Variants in DDX17 observed in about 807,000 individuals in gnomAD.
DDX17 encodes DEAD-box helicase 17.
DDX17 carries 10 observed loss-of-function variants against 80.8 expected under a neutral mutation model. That is an observed-to-expected ratio of 0.12 (90% CI 0.08 to 0.21). DDX17 has a LOEUF of 0.21. Ranked by LOEUF, DDX17 falls within the 10% of genes least tolerant of loss-of-function variation. The probability of loss-of-function intolerance (pLI) is 1.00; values close to 1 mark genes in which losing one functional copy is unlikely to be tolerated. For missense variants in DDX17, 586 were observed against 957.4 expected (o/e 0.61, Z 5.12); for synonymous variants, 339 against 336.2 (o/e 1.01, Z -0.09).
In DDX17 at chr22:38,506,056, G is replaced by A; in HGVS notation, c.182C>T (p.Ala61Val). 2 of 1,585,284 alleles carry A rather than the reference G, an allele frequency of 1.3e-6. No homozygotes were observed. The highest frequency in any genetic ancestry group is 4.6e-5 in the East Asian group (2 of 43,526). The change falls in exon 1 of 13, where the codon GCC (alanine) becomes GTC (valine). Residue 61 changes from alanine to valine, a missense_variant. Physicochemically the swap from Ala to Val is moderately conservative, Grantham distance 64 (BLOSUM62 0). Around this residue, in one of 4 missense-constraint regions of DDX17, gnomAD observed 215 missense variants for 238.4 expected, o/e 0.90. Coordinates refer to ENST00000403230, the MANE Select transcript of DDX17 (RefSeq NM_006386.5). ...GGCACGGATGGCCGGGCTCGGGAGG[G>A]CCTGCGGCTCCGGTCTGGTGACGAC...
intron 5 of DDX17, 22 bp downstream of exon 5, chr22:38,498,063 A>T (rs2089788546): frequency 6.2e-7 from 1 of 1,608,576 alleles, no homozygotes; most frequent in African/African-American, 1.3e-5. Flanking sequence ...TTAGAATTAC[A>T]AAGAAACTGA....
chr22:38,490,404 G>A, intron 11 of DDX17: 1 of 1,289,414 alleles, frequency 7.8e-7, no homozygotes, highest in Non-Finnish European at 1.0e-6. Flanking sequence ...TCTCGGCCAT[G>A]TATTGAGTGA....
At chr22:38,495,177 A>T (rs1383350579) in intron 6 of DDX17, 131 bp from the exon 7 acceptor site, 3 of 806,602 alleles carry the variant, frequency 3.7e-6, no homozygotes, top group Non-Finnish European at 5.7e-6. Flanking sequence ...TCAACATAGC[A>T]AGACCCCGAC....
At chr22:38,490,488 T>C (rs905488979) in intron 11 of DDX17, 16 of 1,264,410 alleles carry the variant, frequency 1.3e-5, no homozygotes, top group Non-Finnish European at 1.5e-5. Flanking sequence ...TAACAGTGTG[T>C]AGTTCAAACA....
intron 2 of DDX17, 106 bp downstream of exon 2, chr22:38,501,024 C>T (rs565330312): frequency 1.0e-5 from 14 of 1,359,742 alleles, no homozygotes; most frequent in South Asian, 1.6e-5. Context: ...AATATCACCA[C>T]ACTAGAATAA....
At chr22:38,493,800 A>G (rs552684095) in intron 9 of DDX17, 29 bp from the exon 10 acceptor site, 8 of 1,603,988 alleles carry the variant, frequency 5.0e-6, no homozygotes, top group Admixed American at 1.7e-5. Flanking sequence ...CCAATATTTT[A>G]AAAATCTTTT....
rs2089696255 is a variant in DDX17 at position 38,489,896 on chromosome 22, C to T, written c.1448-1781G>A. 1.0e-6 allele frequency: 1 copy of T among 988,024 alleles called. No homozygotes were observed. The highest frequency in any genetic ancestry group is 1.7e-5 in the African/African-American group (1 of 57,232). The allele number at this position is 988,024 out of a possible 1,614,324, so 61.2% of individuals were successfully genotyped here. On this transcript the variant is annotated intron_variant, in intron 11 of 12. Coordinates refer to ENST00000403230, the MANE Select transcript of DDX17 (RefSeq NM_006386.5). This position sits in a 1 kb window ranked among gnomAD's most constrained non-coding sequence, Gnocchi z 4.6. ...GTATCTTCAGAGCTAGGATAATGCT[C>T]CTTATGCAATCCCACTGCATATGAC... is the stretch of plus-strand genomic sequence containing the variant.
At chr22:38,498,848 T>C (rs2089796757) in intron 3 of DDX17, among the ~76,000 whole-genome samples, 1 of 152,146 alleles carries the variant, frequency 6.6e-6, no homozygotes. Flanking sequence ...GAACCCTGTC[T>C]CTACTAAAAA....
intron 11 of DDX17, chr22:38,491,197 T>A (rs1299402242): frequency 6.6e-6 from 1 of 152,236 alleles, no homozygotes; most frequent in Non-Finnish European, 1.5e-5. Context: ...AAAGGCTTCA[T>A]TACTTTTGTA....
intron 7 of DDX17, 22 bp downstream of exon 7, chr22:38,494,864 G>A (rs2089745198): frequency 6.2e-7 from 1 of 1,613,808 alleles, no homozygotes. Flanking sequence ...CATAAAGACT[G>A]CTTATTATTA....
intron 1 of DDX17, among the ~76,000 whole-genome samples, chr22:38,501,966 C>T (rs2089835283): frequency 6.6e-6 from 1 of 152,210 alleles, no homozygotes; most frequent in African/African-American, 2.4e-5. Context: ...AGATACACTC[C>T]AAGCAAGTCC....
intron 10 of DDX17, among the ~76,000 whole-genome samples, 162 bp from the exon 11 acceptor site, chr22:38,492,277 C>T (rs1230325391): frequency 6.6e-6 from 1 of 152,184 alleles, no homozygotes; most frequent in Non-Finnish European, 1.5e-5. Flanking sequence ...TCATATTCAG[C>T]AGCACAATAG....
chr22:38,490,522 T>TC (rs1448397067), intron 11 of DDX17: 2 of 1,154,826 alleles, frequency 1.7e-6, no homozygotes, highest in Non-Finnish European at 2.3e-6. Context: ...ATAAAAAATA[T>TC]CCCAGTGGAA....
chr22:38,495,246 A>ATTTATT (rs553782408), intron 6 of DDX17, among the ~76,000 whole-genome samples, 200 bp from the exon 7 acceptor site: 4 of 130,682 alleles, frequency 3.1e-5, no homozygotes, highest in African/African-American at 8.7e-5. Context: ...CAGAGAAGCT[A>ATTTATT]TTTTTTTTTT....
At position 38,490,254 on chromosome 22, in the gene DDX17, T is replaced by G; in HGVS notation, c.1447+1802A>C. Reference sequence around the variant, plus strand: ...AGCAGGGTAAGAAATCCAAAGTTAATGTTTTGGCCAGCTGACTGGGATAAG... The same window carrying G: ...AGCAGGGTAAGAAATCCAAAGTTAAGGTTTTGGCCAGCTGACTGGGATAAG... On this transcript the variant is annotated intron_variant, in intron 11 of 12. Transcript: ENST00000403230. 3 of 1,244,876 alleles carry G rather than the reference T, an allele frequency of 2.4e-6. No individual in the cohort carries two copies. The Admixed American group carries it at 9.2e-5, about 38-fold the overall frequency. The allele number at this position is 1,244,876 out of a possible 1,614,324, so 77.1% of individuals were successfully genotyped here. A position where few individuals can be genotyped will look rare whatever the true frequency, so the allele number is the denominator to read the frequency against.
chr22:38,500,459 G>A (rs2089816327), intron 2 of DDX17, among the ~76,000 whole-genome samples: 1 of 151,790 alleles, frequency 6.6e-6, no homozygotes, highest in Admixed American at 6.6e-5. Context: ...TGATCAACAT[G>A]GTGAAACCCT....
chr22:38,499,318 G>T, intron 3 of DDX17, 82 bp downstream of exon 3: 1 of 1,053,830 alleles, frequency 9.5e-7, no homozygotes, highest in Non-Finnish European at 1.5e-6. Flanking sequence ...CCCAAGCCTG[G>T]CTCAAAGAGT....
intron 10 of DDX17, 65 bp downstream of exon 10, chr22:38,493,645 G>A: frequency 1.5e-6 from 2 of 1,312,570 alleles, no homozygotes; most frequent in South Asian, 1.2e-5. Flanking sequence ...CTGAAATAGA[G>A]CATGAACATT....
intron 5 of DDX17, 113 bp from the exon 6 acceptor site, chr22:38,496,050 C>T (rs2089763057): frequency 3.0e-6 from 3 of 1,001,570 alleles, no homozygotes; most frequent in South Asian, 2.7e-5. Flanking sequence ...TCTAATCTAG[C>T]ACATTAAAAG....
Sources: gnomAD v4.1 joint callset for allele counts (sites outside exome capture counted in the v4.1 genomes callset) on GRCh38, gnomAD v4.1.1 for gene constraint, gnomAD v4.1.1 regional missense constraint, Gnocchi (gnomAD v3.1) non-coding constraint, MANE v1.5 for transcripts, NCBI Gene and HGNC (gene_info 2026-07-23, HGNC 2026-07-21) for gene names.